The following MTHFD1L variants were observed in gnomAD, a reference collection of about 807,000 sequenced individuals.
The protein encoded by MTHFD1L is monofunctional C1-tetrahydrofolate synthase, mitochondrial.
Under a neutral mutation model 119.5 loss-of-function variants are expected in MTHFD1L, and 81 were observed. The ratio of observed to expected loss-of-function variants is 0.68; its 90% confidence interval spans 0.57 to 0.82. The LOEUF is 0.82. Among genes scored for constraint, MTHFD1L ranks in the 40% least tolerant of loss-of-function variants. The probability of loss-of-function intolerance (pLI) is 0.00; values close to 1 mark genes in which losing one functional copy is unlikely to be tolerated. For synonymous variants in MTHFD1L, 430 were observed against 475.2 expected, an observed-to-expected ratio of 0.90 and a Z score of 1.24; for missense variants, 1,125 against 1,253.4, an observed-to-expected ratio of 0.90 and a Z score of 1.55.
intron 15 of MTHFD1L, among the ~76,000 whole-genome samples, chr6:150,946,547 T>C (rs976214420): frequency 3.9e-5 from 6 of 152,230 alleles, no homozygotes; most frequent in Non-Finnish European, 7.3e-5. Context: ...TGCCATTTGC[T>C]GCCTCTGGTC....
In MTHFD1L at chr6:151,019,683, G is replaced by A. The variant is rs182410014; in HGVS notation, c.2586+3990G>A. ...ATAATCAGCCTCCCAGCCTACTGCA[G>A]CATGACAGTTCATGAAAAGAGCTGC... On this transcript the variant is annotated intron_variant, in intron 24 of 27. Transcript: ENST00000367321. Among the ~76,000 whole-genome samples the A allele has an allele frequency of 3.9e-5, 6 of 152,300 alleles. No homozygotes were observed. In the East Asian group the frequency reaches 7.7e-4, roughly 20 times the overall value.
At position 151,078,499 on chromosome 6, in the gene MTHFD1L, C is replaced by T. The variant is rs185907294; in HGVS notation, c.2848-13968C>T. On this transcript the variant is annotated intron_variant, in intron 26 of 27. Transcript: ENST00000367321. ...CTCTGGGTCAGCTTAGCTGGGTTCT[C>T]TGCTTCAGACTGCGAAAATTGTCTC... 2.6e-3 allele frequency among the ~76,000 whole-genome samples: 397 copies of T among 152,296 alleles called. 6 individuals are homozygous for T. Among genetic ancestry groups the T allele is most frequent in the Non-Finnish European group, 1.1e-3 (74 of 68,040 alleles).
At chr6:150,977,649 G>A (rs1321049688) in intron 20 of MTHFD1L, among the ~76,000 whole-genome samples, 1 of 152,188 alleles carries the variant, frequency 6.6e-6, no homozygotes, top group Non-Finnish European at 1.5e-5. Context: ...CTATTTGTAG[G>A]AATTTCAAAC....
At chr6:151,014,298 C>G (rs974234464) in intron 22 of MTHFD1L, among the ~76,000 whole-genome samples, 2 of 152,150 alleles carry the variant, frequency 1.3e-5, no homozygotes, top group South Asian at 4.1e-4. Context: ...TCTTAAATAT[C>G]AAGAAAAGAT....
chr6:150,894,361 A>C (rs1037032913), intron 7 of MTHFD1L, among the ~76,000 whole-genome samples: 2 of 152,082 alleles, frequency 1.3e-5, no homozygotes, highest in African/African-American at 4.8e-5. Flanking sequence ...GGAAGGAGAG[A>C]GTGTCTCCAG....
intron 6 of MTHFD1L, among the ~76,000 whole-genome samples, chr6:150,886,552 T>A (rs1481932394): frequency 1.3e-5 from 2 of 151,394 alleles, no homozygotes; most frequent in Admixed American, 1.3e-4. Flanking sequence ...AGTCAGGACT[T>A]AATTTCCATT....
intron 20 of MTHFD1L, among the ~76,000 whole-genome samples, chr6:150,988,828 A>T (rs1235029380): frequency 6.7e-6 from 1 of 149,236 alleles, no homozygotes; most frequent in Non-Finnish European, 1.5e-5. Context: ...CTGGTCTCGA[A>T]CTCCTGACCT....
chr6:151,050,106 C>T (rs937603143), intron 26 of MTHFD1L, among the ~76,000 whole-genome samples: 1 of 144,810 alleles, frequency 6.9e-6, no homozygotes, highest in Non-Finnish European at 1.5e-5. Flanking sequence ...TTCTGCACCT[C>T]TTCCCCCATA....
chr6:150,964,146 G>A (rs1616748), intron 18 of MTHFD1L, among the ~76,000 whole-genome samples: 71,873 of 152,088 alleles, frequency 0.47, 17,925 homozygotes, highest in South Asian at 0.59. Flanking sequence ...GAGAGATTCC[G>A]TTCTCAAAAA....
intron 26 of MTHFD1L, among the ~76,000 whole-genome samples, chr6:151,049,990 C>T (rs1788763310): frequency 6.6e-6 from 1 of 152,058 alleles, no homozygotes; most frequent in African/African-American, 2.4e-5. Context: ...ATGTGGATGT[C>T]ATGAAGTGTC....
chr6:150,925,595 A>AG (rs1228038184), intron 10 of MTHFD1L, among the ~76,000 whole-genome samples: 1 of 151,968 alleles, frequency 6.6e-6, no homozygotes, highest in Non-Finnish European at 1.5e-5. Flanking sequence ...GTAAATAGAG[A>AG]GGGGGAAGTG....
chr6:151,087,210 C>T (rs891152512), intron 26 of MTHFD1L, among the ~76,000 whole-genome samples: 2 of 151,742 alleles, frequency 1.3e-5, no homozygotes, highest in Non-Finnish European at 2.9e-5. Flanking sequence ...GATCACGCTG[C>T]TGCAGTCCAG....
At chr6:150,895,399 C>A (rs1784052065) in intron 7 of MTHFD1L, among the ~76,000 whole-genome samples, 1 of 152,282 alleles carries the variant, frequency 6.6e-6, no homozygotes, top group East Asian at 1.9e-4. Flanking sequence ...CTGGACAATG[C>A]TGAAATGGTC....
intron 20 of MTHFD1L, among the ~76,000 whole-genome samples, chr6:151,005,295 GT>G (rs1421287116): frequency 6.6e-6 from 1 of 152,030 alleles, no homozygotes; most frequent in Non-Finnish European, 1.5e-5. Context: ...TATTAAAGTA[GT>G]TTTTACTTTC....
At chr6:151,049,661 C>CA (rs34116073) in intron 26 of MTHFD1L, among the ~76,000 whole-genome samples, 1,844 of 111,494 alleles carry the variant, frequency 0.017, 56 homozygotes, top group African/African-American at 0.061. Flanking sequence ...GACTCCATCT[C>CA]AAAAAAAAAA....
rs1777063111 is a variant in MTHFD1L, at chr6:150,979,110, GC to G, written c.2125+7055del. On this transcript the variant is annotated intron_variant, in intron 20 of 27. Coordinates refer to ENST00000367321, the MANE Select transcript of MTHFD1L (RefSeq NM_015440.5). ...CAAAATTAGCCGAGCGTGGTTGTGG[GC>G]CCTGTAATCCCAGCTACTTGGGAGG... 3.9e-5 allele frequency among the ~76,000 whole-genome samples: 6 copies of G among 152,072 alleles called. No individual in the cohort carries two copies. In the South Asian group the frequency reaches 1.2e-3, roughly 32 times the overall value.
intron 16 of MTHFD1L, among the ~76,000 whole-genome samples, chr6:150,955,495 GTTT>G (rs142879620): frequency 7.7e-5 from 9 of 117,102 alleles, no homozygotes; most frequent in Non-Finnish European, 8.8e-5. Context: ...TGCTGGTTGG[GTTT>G]TTTTTTTTTT....
chr6:151,057,140 A>ACCCAGTGCCTGCCTTCTAACTG, intron 26 of MTHFD1L: 1 of 957,746 alleles, frequency 1.0e-6, no homozygotes, highest in Non-Finnish European at 1.2e-6. Flanking sequence ...GGCTTGCTGG[A>ACCCAGTGCCTGCCTTCTAACTG]CCCAGTGCCT....
intron 8 of MTHFD1L, among the ~76,000 whole-genome samples, chr6:150,916,737 C>CTTTTTTTTTTTTTTTTTT (rs57961829): frequency 1.4e-5 from 1 of 72,114 alleles, no homozygotes; most frequent in African/African-American, 4.4e-5. Context: ...GATTCTATCC[C>CTTTTTTTTTTTTTTTTTT]TTTTTTTTTT....
Sources: gnomAD v4.1 joint callset for allele counts (sites outside exome capture counted in the v4.1 genomes callset) on GRCh38, gnomAD v4.1.1 for gene constraint, MANE v1.5 for transcripts, NCBI Gene and HGNC (gene_info 2026-07-23, HGNC 2026-07-21) for gene names.